The following RABGAP1L variants were observed in gnomAD, a reference collection of about 807,000 sequenced individuals.
RABGAP1L encodes rab GTPase-activating protein 1-like.
In RABGAP1L, 63 loss-of-function variants were observed where a neutral mutation model predicts 137.7. That is an observed-to-expected ratio of 0.46 (90% confidence interval 0.37 to 0.56). The LOEUF (loss-of-function observed/expected upper bound fraction) is 0.56. Among genes scored for constraint, RABGAP1L ranks in the 20% least tolerant of loss-of-function variants. The pLI is 0.00. For synonymous variants in RABGAP1L, 431 were observed against 433.7 expected, an observed-to-expected ratio of 0.99 and a Z score of 0.08; for missense variants, 1,095 against 1,244.0, an observed-to-expected ratio of 0.88 and a Z score of 1.80.
chr1:174,544,853 A>T (rs534738984), intron 13 of RABGAP1L: 1 of 184,980 alleles, frequency 5.4e-6, no homozygotes, highest in African/African-American at 2.4e-5. Context: ...GGTCTGTTGG[A>T]GTTTGCTGGA....
At chr1:174,792,768 C>A (rs548640363) in intron 18 of RABGAP1L, among the ~76,000 whole-genome samples, 26 of 152,286 alleles carry the variant, frequency 1.7e-4, no homozygotes, top group Non-Finnish European at 2.9e-4. Flanking sequence ...TTACTATGTA[C>A]AGTATAGCCC....
intron 13 of RABGAP1L, among the ~76,000 whole-genome samples, chr1:174,619,898 T>C (rs7512678): frequency 0.16 from 24,204 of 152,070 alleles, 2,613 homozygotes; most frequent in Non-Finnish European, 0.23. Context: ...GAAACCCATC[T>C]CACGTGCAGA....
At chr1:174,651,329 G>A (rs866015250) in intron 14 of RABGAP1L, among the ~76,000 whole-genome samples, 1 of 152,230 alleles carries the variant, frequency 6.6e-6, no homozygotes, top group Non-Finnish European at 1.5e-5. Flanking sequence ...GGGGTGAAGA[G>A]TTCTGTTGAT....
chr1:174,950,781 C>G (rs1301143023), intron 19 of RABGAP1L, among the ~76,000 whole-genome samples: 1 of 152,058 alleles, frequency 6.6e-6, no homozygotes, highest in Non-Finnish European at 1.5e-5. Context: ...TGGCTAGCAC[C>G]TTTGGCCTAT....
chr1:174,610,525 G>A (rs947871528), intron 13 of RABGAP1L, among the ~76,000 whole-genome samples: 8 of 152,070 alleles, frequency 5.3e-5, no homozygotes, highest in South Asian at 2.1e-4. Flanking sequence ...ACGTGTGCAC[G>A]TGTCTTTATA....
chr1:174,483,288 A>G (rs1430033253), intron 13 of RABGAP1L, among the ~76,000 whole-genome samples: 1 of 151,858 alleles, frequency 6.6e-6, no homozygotes, highest in African/African-American at 2.4e-5. Flanking sequence ...CCCTGCCACA[A>G]CTTCCCCTCT....
At chr1:174,953,035 CAAAAA>C (rs34788853) in intron 19 of RABGAP1L, among the ~76,000 whole-genome samples, 3 of 97,350 alleles carry the variant, frequency 3.1e-5, no homozygotes, top group Non-Finnish European at 4.3e-5. Context: ...GGGTGGCATG[CAAAAA>C]AAAAAAAAAA....
chr1:174,955,658 G>T (rs566656259), intron 19 of RABGAP1L, among the ~76,000 whole-genome samples: 1 of 152,334 alleles, frequency 6.6e-6, no homozygotes, highest in East Asian at 1.9e-4. Flanking sequence ...GCCAAATACT[G>T]CTAGGTATTA....
At chr1:174,747,907 A>G (rs1684011874) in intron 17 of RABGAP1L, among the ~76,000 whole-genome samples, 1 of 150,848 alleles carries the variant, frequency 6.6e-6, no homozygotes, top group South Asian at 2.1e-4. Flanking sequence ...CATTTCTGTG[A>G]GATCTAATAT....
chr1:174,401,967 G>A (rs966241045), intron 13 of RABGAP1L, among the ~76,000 whole-genome samples: 3 of 152,122 alleles, frequency 2.0e-5, no homozygotes, highest in Non-Finnish European at 4.4e-5. Flanking sequence ...AGTTCAGTAT[G>A]ACCCATGGGA....
chr1:174,200,101 T>C lies in RABGAP1L; in HGVS notation c.-33-19024T>C, dbSNP rs574953735. Among the ~76,000 whole-genome samples, 15 of 152,278 alleles carry C rather than the reference T, an allele frequency of 9.9e-5. No homozygotes were observed. In the South Asian group the frequency reaches 2.9e-3, roughly 29 times the overall value. ...GAAGTAAAAATCAAATAAGCTAAAA[T>C]AGGTACCTGAGATGTCTTTTTCTTC... On this transcript the variant is annotated intron_variant, in intron 1 of 25. Transcript: ENST00000681986.
At chr1:174,552,140 C>A (rs1052844342) in intron 13 of RABGAP1L, among the ~76,000 whole-genome samples, 3 of 152,078 alleles carry the variant, frequency 2.0e-5, no homozygotes, top group African/African-American at 7.2e-5. Flanking sequence ...GGCACATGAT[C>A]TTCATCTGGA....
intron 16 of RABGAP1L, chr1:174,701,023 C>A (rs991237969): frequency 1.1e-4 from 135 of 1,284,948 alleles, no homozygotes; most frequent in Middle Eastern, 6.5e-4. Flanking sequence ...ACCTAATGGG[C>A]ACATTTGGCT....
At chr1:174,282,870 T>C (rs1675700396) in intron 10 of RABGAP1L, among the ~76,000 whole-genome samples, 1 of 152,208 alleles carries the variant, frequency 6.6e-6, no homozygotes, top group Middle Eastern at 3.2e-3. Context: ...CTCTTTTATC[T>C]ATAGAATTAG....
chr1:174,544,500 A>G (rs1425615375), intron 13 of RABGAP1L, among the ~76,000 whole-genome samples: 4 of 152,088 alleles, frequency 2.6e-5, no homozygotes, highest in African/African-American at 7.2e-5. Flanking sequence ...CATTCGTCTA[A>G]TCTTTCTTCA....
chr1:174,892,614 G>T (rs546182766), intron 19 of RABGAP1L: 205 of 534,226 alleles, frequency 3.8e-4, no homozygotes, highest in Middle Eastern at 1.3e-3. Context: ...GGTGTTCTTG[G>T]CCTGTACATT....
chr1:174,779,831 A>G (rs1032605293), intron 18 of RABGAP1L, among the ~76,000 whole-genome samples: 1 of 152,048 alleles, frequency 6.6e-6, no homozygotes, highest in Admixed American at 6.6e-5. Context: ...TATTTAAACA[A>G]TCATATCCTG....
chr1:174,678,436 T>C (rs1271627103), intron 14 of RABGAP1L, among the ~76,000 whole-genome samples: 1 of 150,478 alleles, frequency 6.6e-6, no homozygotes, highest in Non-Finnish European at 1.5e-5. Context: ...GTATTCCTCA[T>C]AAAATATTCT....
chr1:174,538,687 A>T (rs1279329859), intron 13 of RABGAP1L, among the ~76,000 whole-genome samples: 3 of 152,162 alleles, frequency 2.0e-5, no homozygotes, highest in Non-Finnish European at 4.4e-5. Flanking sequence ...AACTACTTTG[A>T]ATTCCCTGGG....
Sources: allele counts gnomAD v4.1 joint callset (sites outside exome capture counted in the v4.1 genomes callset), GRCh38; gene constraint gnomAD v4.1.1; transcripts MANE v1.5; gene names NCBI Gene and HGNC (gene_info 2026-07-23, HGNC 2026-07-21).